Variants in DCBLD2 observed in about 807,000 individuals in gnomAD.
The protein encoded by DCBLD2 is discoidin, CUB and LCCL domain-containing protein 2.
A neutral mutation model predicts 86.8 loss-of-function variants in DCBLD2; 54 were observed. The ratio of observed to expected loss-of-function variants is 0.62; its 90% CI spans 0.50 to 0.78. The LOEUF is 0.78. DCBLD2 is among the 30% of genes least tolerant of loss of function. The probability of loss-of-function intolerance (pLI) is 0.00; values close to 1 mark genes in which losing one functional copy is unlikely to be tolerated. For synonymous variants in DCBLD2, 354 were observed against 341.3 expected, an observed-to-expected ratio of 1.04 and a Z score of -0.41; for missense variants, 908 against 954.2, an observed-to-expected ratio of 0.95 and a Z score of 0.64.
At chr3:98,865,090 C>T (rs897857825) in intron 2 of DCBLD2, among the ~76,000 whole-genome samples, 6 of 152,060 alleles carry the variant, frequency 3.9e-5, no homozygotes, top group Non-Finnish European at 7.4e-5. Context: ...ACCATATGAT[C>T]CAGTAATTTT....
chr3:98,857,600 C>T (rs895570189), intron 2 of DCBLD2, among the ~76,000 whole-genome samples: 6 of 152,182 alleles, frequency 3.9e-5, no homozygotes, highest in Non-Finnish European at 8.8e-5. Flanking sequence ...TCGATTGGTG[C>T]ATTCACAAAC....
Position 98,798,332 on chromosome 3 carries a change from ATGTT to A in DCBLD2, c.*1036_*1039del, listed in dbSNP as rs1941650848. The A allele has an allele frequency of 6.6e-6, 1 of 152,222 alleles. No individual in the cohort carries two copies. The highest frequency in any genetic ancestry group is 6.5e-5 in the Admixed American group (1 of 15,284). 9.4% of individuals were successfully genotyped at this position (152,222 alleles called of 1,614,324 possible). A position where few individuals can be genotyped will look rare whatever the true frequency, so the allele number is the denominator to read the frequency against. ...ACCTTGAGACTCAAGAAAAATGTAT[ATGTT>A]TGTGAATGTATAAAACCAAAAAGGA... On this transcript the variant is annotated 3_prime_UTR_variant, in exon 16 of 16. Coordinates refer to ENST00000326840, the MANE Select transcript of DCBLD2 (RefSeq NM_080927.4).
At position 98,811,215 on chromosome 3, in the gene DCBLD2, C is replaced by T. The variant is rs752565095; in HGVS notation, c.1555G>A (p.Val519Ile). 15 of 1,608,494 alleles carry T rather than the reference C, an allele frequency of 9.3e-6. No homozygotes were observed. Among genetic ancestry groups the T allele is most frequent in the East Asian group, 4.5e-5 (2 of 44,838 alleles). ...TASPDIRNTT[V>I]TPNVTKDVAL... ...ATACCTTTGGTTACATTTGGAGTTA[C>T]GGTAGTATTTCTGATATCAGGACTG... The change falls in exon 12 of 16, where the codon GTA (valine) becomes ATA (isoleucine). Residue 519 changes from valine to isoleucine, a missense_variant. By Grantham distance (29) the Val-to-Ile change is conservative. This residue lies in a region of DCBLD2 where 606 missense variants were observed against 678.5 expected (regional missense o/e 0.89). Coordinates refer to ENST00000326840, the MANE Select transcript of DCBLD2 (RefSeq NM_080927.4).
intron 2 of DCBLD2, among the ~76,000 whole-genome samples, chr3:98,870,650 T>C (rs1348324933): frequency 1.2e-5 from 1 of 83,960 alleles, no homozygotes; most frequent in Non-Finnish European, 2.4e-5. Context: ...GAAGAAGAGA[T>C]AGAGAAAGAG....
At chr3:98,847,719 G>C (rs534057711) in intron 3 of DCBLD2, among the ~76,000 whole-genome samples, 1 of 152,128 alleles carries the variant, frequency 6.6e-6, no homozygotes, top group Non-Finnish European at 1.5e-5. Flanking sequence ...TGAAGTAAAA[G>C]CCAATTTAAA....
intron 9 of DCBLD2, chr3:98,815,618 G>A (rs1330754099): frequency 6.6e-6 from 1 of 152,090 alleles, no homozygotes; most frequent in East Asian, 1.9e-4. Flanking sequence ...GATAACATTA[G>A]CAGATGAGGA....
At chr3:98,857,191 T>G (rs1434558520) in intron 2 of DCBLD2, among the ~76,000 whole-genome samples, 2 of 152,148 alleles carry the variant, frequency 1.3e-5, no homozygotes, top group East Asian at 3.9e-4. Context: ...AGTTGTTCAT[T>G]CCTCCTGGTG....
rs2107406922 is a variant in DCBLD2, at chr3:98,796,247, C to CAA, written c.*3124_*3125insTT. 6.6e-6 allele frequency: 1 copy of CAA among 152,262 alleles called. No homozygotes were observed. The highest frequency in any genetic ancestry group is 1.9e-4 in the East Asian group (1 of 5,170). The allele number at this position is 152,262 out of a possible 1,614,324, so 9.4% of individuals were successfully genotyped here. On this transcript the variant is annotated 3_prime_UTR_variant, in exon 16 of 16. Transcript: ENST00000326840. ...CACTTTTCCCAGTGCCACACACACA[C>CAA]ACACAAAAACAAAACAAAACAAAAA... is the stretch of plus-strand genomic sequence containing the variant.
intron 2 of DCBLD2, among the ~76,000 whole-genome samples, chr3:98,861,861 G>A (rs982492213): frequency 5.9e-5 from 9 of 152,140 alleles, no homozygotes; most frequent in Non-Finnish European, 1.2e-4. Flanking sequence ...CAGAAGGCAA[G>A]AAATAACTAA....
intron 2 of DCBLD2, among the ~76,000 whole-genome samples, chr3:98,873,810 A>C (rs71311401): frequency 6.6e-6 from 1 of 152,160 alleles, no homozygotes; most frequent in African/African-American, 2.4e-5. Context: ...CATTTTTTGG[A>C]AAAATTTAAC....
intron 2 of DCBLD2, among the ~76,000 whole-genome samples, chr3:98,867,852 G>A (rs1428007735): frequency 6.6e-6 from 1 of 151,662 alleles, no homozygotes. Context: ...ACCCAGGCTG[G>A]AGTGCAGTGG....
chr3:98,879,219 C>G (rs545172250), intron 2 of DCBLD2, among the ~76,000 whole-genome samples: 2 of 152,296 alleles, frequency 1.3e-5, no homozygotes, highest in South Asian at 4.1e-4. Context: ...GCCCTTGTTT[C>G]TCCTATCCTT....
intron 13 of DCBLD2, among the ~76,000 whole-genome samples, chr3:98,802,334 G>T (rs1002046139): frequency 3.3e-5 from 5 of 152,026 alleles, no homozygotes; most frequent in Admixed American, 6.6e-5. Context: ...TCATGTGTTT[G>T]TTGGCTGCAT....
In DCBLD2 at chr3:98,796,850, G is replaced by A. The variant is rs947855579; in HGVS notation, c.*2522C>T. 2.0e-5 allele frequency: 3 copies of A among 152,606 alleles called. No homozygotes were observed. The highest frequency in any genetic ancestry group is 2.1e-4 in the South Asian group (1 of 4,822). The allele number at this position is 152,606 out of a possible 1,614,324, so 9.5% of individuals were successfully genotyped here. A position where few individuals can be genotyped will look rare whatever the true frequency, so the allele number is the denominator to read the frequency against. ...TAATGGCCACATTTGTTGTGTCTCC[G>A]ATGTATTTCTATAATTGCATTAACA... is the stretch of plus-strand genomic sequence containing the variant. On this transcript the variant is annotated 3_prime_UTR_variant, in exon 16 of 16. Coordinates refer to ENST00000326840, the MANE Select transcript of DCBLD2 (RefSeq NM_080927.4).
chr3:98,854,225 C>G (rs546350894), intron 2 of DCBLD2, among the ~76,000 whole-genome samples: 4 of 152,256 alleles, frequency 2.6e-5, no homozygotes, highest in African/African-American at 9.6e-5. Context: ...AGCTCCTGAA[C>G]AATGTTTACC....
intron 3 of DCBLD2, among the ~76,000 whole-genome samples, chr3:98,839,157 T>C (rs376316800): frequency 5.5e-4 from 38 of 69,648 alleles, no homozygotes; most frequent in African/African-American, 1.3e-3. Context: ...CTTTCTTTCT[T>C]TCTTTCTTTC....
chr3:98,820,370 T>C (rs878903242), intron 6 of DCBLD2, 82 bp from the exon 7 acceptor site: 2 of 1,074,940 alleles, frequency 1.9e-6, no homozygotes, highest in Admixed American at 3.1e-5. Context: ...TCTTTTGATT[T>C]GGTTCCCCCC....
At chr3:98,838,222 C>G (rs370279769) in intron 3 of DCBLD2, among the ~76,000 whole-genome samples, 1 of 111,494 alleles carries the variant, frequency 9.0e-6, no homozygotes, top group Non-Finnish European at 1.9e-5. Context: ...GGGTGGCTGC[C>G]GGGCGGAGAG....
At position 98,881,698 on chromosome 3, in the gene DCBLD2, G is replaced by A. The variant is rs747587294; in HGVS notation, c.275C>T (p.Thr92Ile). 6.2e-7 allele frequency: 1 copy of A among 1,613,858 alleles called. No homozygotes were observed. The highest frequency in any genetic ancestry group is 8.5e-7 in the Non-Finnish European group (1 of 1,179,872). The change falls in exon 2 of 16, where the codon ACC becomes ATC. Residue 92 changes from threonine to isoleucine, a missense_variant. This residue lies in a region of DCBLD2 where 294 missense variants were observed against 256.0 expected (regional missense o/e 1.15). Coordinates refer to ENST00000326840, the MANE Select transcript of DCBLD2 (RefSeq NM_080927.4). ...TTCACAAACAGTGCTGTTGGGATAGGTCTGTGGGTAGTTTATGGATGTAAG... is the reference window on the plus strand; with the variant it reads ...TTCACAAACAGTGCTGTTGGGATAGATCTGTGGGTAGTTTATGGATGTAAG... ...GTLTSINYPQ[T>I]YPNSTVCEWE... is the part of the protein sequence containing the mutation.
Sources: allele counts gnomAD v4.1 joint callset (sites outside exome capture counted in the v4.1 genomes callset), GRCh38; gene constraint gnomAD v4.1.1; regional missense constraint gnomAD v4.1.1; transcripts MANE v1.5; gene names NCBI Gene and HGNC (gene_info 2026-07-23, HGNC 2026-07-21).